EYS: variants seen among roughly 807,000 people sequenced by gnomAD.
The protein encoded by EYS is protein eyes shut homolog.
Under a neutral mutation model 282.1 loss-of-function variants are expected in EYS, and 250 were observed. The observed-to-expected ratio is 0.89, with a 90% CI of 0.80 to 0.98. The LOEUF is 0.98. Among genes scored for constraint, EYS ranks in the 50% least tolerant of loss-of-function variants. EYS has a pLI of 0.00. For missense variants in EYS, 4,016 were observed against 3,709.0 expected (o/e 1.08, Z -2.15); for synonymous variants, 1,355 against 1,282.9 (o/e 1.06, Z -1.20).
At chr6:64,885,500 G>A (rs1297017232) in intron 19 of EYS, among the ~76,000 whole-genome samples, 1 of 151,670 alleles carries the variant, frequency 6.6e-6, no homozygotes, top group Non-Finnish European at 1.5e-5. Context: ...ACAACAACAA[G>A]GTGAATGGCA....
chr6:65,476,818 A>G (rs1447918676), intron 5 of EYS, among the ~76,000 whole-genome samples: 1 of 152,090 alleles, frequency 6.6e-6, no homozygotes, highest in African/African-American at 2.4e-5. Flanking sequence ...CTTGTGATCC[A>G]CTGGCCTTGG....
intron 40 of EYS, among the ~76,000 whole-genome samples, chr6:63,763,881 T>TATAC (rs1769714287): frequency 7.4e-6 from 1 of 135,224 alleles, no homozygotes; most frequent in Admixed American, 7.3e-5. Flanking sequence ...TATATATATA[T>TATAC]ATATATATAT....
chr6:65,610,655 T>C (rs354388), intron 2 of EYS, among the ~76,000 whole-genome samples: 8,449 of 152,164 alleles, frequency 0.056, 484 homozygotes, highest in East Asian at 0.16. Context: ...TTCCTAACTG[T>C]ACTTTATTTA....
intron 31 of EYS, among the ~76,000 whole-genome samples, chr6:64,223,623 T>A (rs971196732): frequency 6.6e-6 from 1 of 152,198 alleles, no homozygotes; most frequent in Admixed American, 6.5e-5. Context: ...TTTTTGAACA[T>A]TGTTTCTGCA....
Position 65,283,896 on chromosome 6 carries a change from A to G in EYS, c.2023+11967T>C, listed in dbSNP as rs535956193. ...TTAATTTGTATGAGCAGAAATCTGA[A>G]CAATCTAAATAATTGCTTACAAAAT... is the stretch of plus-strand genomic sequence containing the variant. On this transcript the variant is annotated intron_variant, in intron 12 of 42. Transcript: ENST00000503581. Among the ~76,000 whole-genome samples, 29 of 152,244 alleles carry G rather than the reference A, an allele frequency of 1.9e-4. No homozygotes were observed. In the South Asian group the frequency reaches 5.4e-3, roughly 28 times the overall value.
At chr6:64,833,463 C>T (rs1765284407) in intron 19 of EYS, among the ~76,000 whole-genome samples, 1 of 151,842 alleles carries the variant, frequency 6.6e-6, no homozygotes, top group African/African-American at 2.4e-5. Context: ...GTTGCTCACC[C>T]TTCTTAGCAG....
chr6:65,563,653 T>A (rs1464435018), intron 2 of EYS, among the ~76,000 whole-genome samples: 1 of 152,104 alleles, frequency 6.6e-6, no homozygotes, highest in Non-Finnish European at 1.5e-5. Flanking sequence ...AAAAATTTAG[T>A]TAACTAATGC....
intron 15 of EYS, among the ~76,000 whole-genome samples, chr6:64,919,419 C>CT (rs370375636): frequency 0.58 from 78,071 of 135,434 alleles, 22,612 homozygotes; most frequent in African/African-American, 0.64. Context: ...TTCTTTTTTT[C>CT]TTTTTTTTTT....
At chr6:64,325,095 A>C (rs1227452643) in intron 29 of EYS, among the ~76,000 whole-genome samples, 1 of 152,332 alleles carries the variant, frequency 6.6e-6, no homozygotes, top group African/African-American at 2.4e-5. Context: ...TCACAGCATT[A>C]GAAAAAAGCT....
At chr6:65,117,878 G>A (rs1054105468) in intron 12 of EYS, among the ~76,000 whole-genome samples, 18 of 152,102 alleles carry the variant, frequency 1.2e-4, no homozygotes, top group African/African-American at 4.3e-4. Context: ...TTTATTACAT[G>A]AAAAATATTT....
At chr6:65,695,139 A>C (rs1020467359) in intron 1 of EYS, among the ~76,000 whole-genome samples, 1 of 152,160 alleles carries the variant, frequency 6.6e-6, no homozygotes, top group Non-Finnish European at 1.5e-5. Context: ...GTCCATGTAC[A>C]TAGAAATAAG....
intron 31 of EYS, among the ~76,000 whole-genome samples, chr6:64,096,185 T>G (rs543371214): frequency 2.0e-5 from 3 of 152,206 alleles, no homozygotes; most frequent in Non-Finnish European, 4.4e-5. Flanking sequence ...GCCCTTAACA[T>G]TTTATCCTTC....
At chr6:64,185,062 A>G (rs1764892851) in intron 31 of EYS, among the ~76,000 whole-genome samples, 1 of 152,088 alleles carries the variant, frequency 6.6e-6, no homozygotes, top group African/African-American at 2.4e-5. Flanking sequence ...CACTTCCACC[A>G]TGTGAGGTCA....
intron 11 of EYS, among the ~76,000 whole-genome samples, chr6:65,318,634 T>TTA (rs1289723824): frequency 1.4e-5 from 2 of 147,634 alleles, no homozygotes; most frequent in Admixed American, 1.4e-4. Context: ...TATATATAAT[T>TTA]TATATATATA....
At chr6:65,606,600 G>A (rs1765803927) in intron 2 of EYS, among the ~76,000 whole-genome samples, 1 of 151,658 alleles carries the variant, frequency 6.6e-6, no homozygotes, top group African/African-American at 2.4e-5. Context: ...TTAGCCTTCA[G>A]GATGATGCAC....
rs58326040 is a variant in EYS, at chr6:65,506,460, C to CTTTTTTTTTTT, written c.-332-10478_-332-10468dup. ...GGTTTACAATATCCTTCCTTCCTTT[C>CTTTTTTTTTTT]TTTTTTTTTTTTTTTTTTTTTTTTT... On this transcript the variant is annotated intron_variant, in intron 2 of 42. Coordinates refer to ENST00000503581, the MANE Select transcript of EYS (RefSeq NM_001142800.2). Among the ~76,000 whole-genome samples, 59 of 64,888 alleles carry CTTTTTTTTTTT rather than the reference C, an allele frequency of 9.1e-4. 4 individuals are homozygous for CTTTTTTTTTTT. The highest frequency in any genetic ancestry group is 1.3e-3 in the African/African-American group (22 of 16,406). 42.6% of individuals were successfully genotyped at this position (64,888 alleles called of 152,430 possible). A position where few individuals can be genotyped will look rare whatever the true frequency, so the allele number is the denominator to read the frequency against.
chr6:64,282,983 G>C (rs888317802), intron 30 of EYS, among the ~76,000 whole-genome samples: 3 of 152,060 alleles, frequency 2.0e-5, no homozygotes, highest in Non-Finnish European at 4.4e-5. Context: ...TCAAAACTCT[G>C]TTTCCCAGTC....
rs150501965 is a variant in EYS at position 64,607,648 on chromosome 6, T to C, written c.3684+9770A>G. On this transcript the variant is annotated intron_variant, in intron 24 of 42. Coordinates refer to ENST00000503581, the MANE Select transcript of EYS (RefSeq NM_001142800.2). The stretch of plus-strand genomic sequence containing the variant: ...AACATTTGGATTTGGGTGAGGGAGA[T>C]ACAAACACTCAGGCCATAACAGAAT... Among the ~76,000 whole-genome samples the C allele has an allele frequency of 8.5e-3, 1,293 of 152,220 alleles. 23 individuals are homozygous for C. Among genetic ancestry groups the C allele is most frequent in the African/African-American group, 0.028 (1,167 of 41,560 alleles).
intron 35 of EYS, among the ~76,000 whole-genome samples, chr6:63,870,014 A>C (rs1432867685): frequency 2.6e-5 from 4 of 152,156 alleles, no homozygotes; most frequent in African/African-American, 9.7e-5. Flanking sequence ...AAAATTAGCC[A>C]GTCTCCAGCC....
Sources: allele counts gnomAD v4.1 joint callset (sites outside exome capture counted in the v4.1 genomes callset), GRCh38; gene constraint gnomAD v4.1.1; transcripts MANE v1.5; gene names NCBI Gene and HGNC (gene_info 2026-07-23, HGNC 2026-07-21).